RAP1GAP2: variants seen among roughly 807,000 people sequenced by gnomAD.
RAP1GAP2 encodes the protein RAP1 GTPase activating protein 2.
A neutral mutation model predicts 95.0 loss-of-function variants in RAP1GAP2; 27 were observed. That is an observed-to-expected ratio of 0.28 (90% CI 0.21 to 0.39). RAP1GAP2 has a LOEUF of 0.39. Ranked by LOEUF, RAP1GAP2 falls within the 10% of genes least tolerant of loss-of-function variation. The pLI is 1.00. For synonymous variants in RAP1GAP2, 373 were observed against 380.9 expected (o/e 0.98, Z 0.24); for missense variants, 771 against 970.0 (o/e 0.79, Z 2.72).
rs750589328 is a variant in RAP1GAP2 at position 2,827,972 on chromosome 17, C to A, written c.80+27422C>A. Among the ~76,000 whole-genome samples the A allele has an allele frequency of 2.0e-5, 3 of 152,314 alleles. No homozygotes were observed. The East Asian group carries it at 5.8e-4, about 29-fold the overall frequency. ...CCAGCCCTTCCCTGTGGGGGAGCCACAAGAGGCCGTCCCTGGGCCTGCAAG... is the reference window on the plus strand; with the variant it reads ...CCAGCCCTTCCCTGTGGGGGAGCCAAAAGAGGCCGTCCCTGGGCCTGCAAG... On this transcript the variant is annotated intron_variant, in intron 2 of 24. Transcript: ENST00000254695. The surrounding 1 kb of genome is among the most constrained non-coding windows in gnomAD (Gnocchi z 4.1).
At chr17:2,984,125 C>T (rs2045469517) in intron 10 of RAP1GAP2, among the ~76,000 whole-genome samples, 1 of 152,034 alleles carries the variant, frequency 6.6e-6, no homozygotes, top group African/African-American at 2.4e-5. Flanking sequence ...CTGAGGCAGG[C>T]GGATCACAAG....
chr17:2,843,207 G>C (rs984340507), intron 2 of RAP1GAP2, among the ~76,000 whole-genome samples: 3 of 152,154 alleles, frequency 2.0e-5, no homozygotes, highest in Admixed American at 1.3e-4. Flanking sequence ...TGTCCTGCAG[G>C]TGAGTGGTCA....
Position 2,965,891 on chromosome 17 carries a change from C to T in RAP1GAP2, c.596+248C>T, listed in dbSNP as rs969682348. ...GGTCTCAAGGTCACCCAGACTGTACCCCTTCCTGCCCCTCTTTCTTACAAG... is the reference window on the plus strand; with the variant it reads ...GGTCTCAAGGTCACCCAGACTGTACTCCTTCCTGCCCCTCTTTCTTACAAG... On this transcript the variant is annotated intron_variant, in intron 8 of 24. Transcript: ENST00000254695. This position sits in a 1 kb window ranked among gnomAD's most constrained non-coding sequence, Gnocchi z 4.7. 30 of 508,934 alleles carry T rather than the reference C, an allele frequency of 5.9e-5. No individual in the cohort carries two copies. The highest frequency in any genetic ancestry group is 4.4e-4 in the African/African-American group (23 of 52,284). The allele number at this position is 508,934 out of a possible 1,614,324, so 31.5% of individuals were successfully genotyped here.
At chr17:2,927,442 C>A (rs556478232) in intron 3 of RAP1GAP2, among the ~76,000 whole-genome samples, 1 of 152,178 alleles carries the variant, frequency 6.6e-6, no homozygotes, top group Non-Finnish European at 1.5e-5. Flanking sequence ...CGTGAGCCAC[C>A]GCGCCCGGCT....
At position 2,998,275 on chromosome 17, in the gene RAP1GAP2, G is replaced by A; in HGVS notation, c.1099G>A (p.Glu367Lys). 1 of 1,613,978 alleles carries A rather than the reference G, an allele frequency of 6.2e-7. No individual in the cohort carries two copies. The highest frequency in any genetic ancestry group is 8.5e-7 in the Non-Finnish European group (1 of 1,179,862). ...NDIVAIIFQEENTPFVPDMIA... is the reference protein window; with the variant it reads ...NDIVAIIFQEKNTPFVPDMIA... ...CATCGTGGCCATCATCTTCCAAGAG[G>A]AAAACACGCCGTTTGTCCCAGACAT... Residue 367 changes from glutamate to lysine, a missense_variant, in exon 14 of 25, where the codon GAA (glutamate) becomes AAA (lysine). By Grantham distance (56) the Glu-to-Lys change is moderately conservative. Coordinates refer to ENST00000254695, the MANE Select transcript of RAP1GAP2 (RefSeq NM_015085.5).
At chr17:2,758,523 C>A (rs1367588736) in intron 1 of RAP1GAP2, among the ~76,000 whole-genome samples, 1 of 152,198 alleles carries the variant, frequency 6.6e-6, no homozygotes, top group East Asian at 1.9e-4. Context: ...CCCCTCACCC[C>A]AGATAAAAGC....
intron 17 of RAP1GAP2, among the ~76,000 whole-genome samples, chr17:3,010,045 A>C (rs1487038991): frequency 6.6e-6 from 1 of 152,122 alleles, no homozygotes; most frequent in Non-Finnish European, 1.5e-5. Flanking sequence ...ATTTATGCAG[A>C]ACTATAAGAG....
At chr17:2,785,919 TAGAC>T (rs1469138581) in intron 1 of RAP1GAP2, among the ~76,000 whole-genome samples, 3 of 150,796 alleles carry the variant, frequency 2.0e-5, no homozygotes, top group African/African-American at 7.3e-5. Context: ...TTTTTTTTTT[TAGAC>T]AGAGATTTGC....
At chr17:2,931,313 T>TGTGTGTGC (rs1555571269) in intron 3 of RAP1GAP2, among the ~76,000 whole-genome samples, 1 of 137,438 alleles carries the variant, frequency 7.3e-6, no homozygotes, top group African/African-American at 2.6e-5. Flanking sequence ...TGTGTGTGTG[T>TGTGTGTGC]TGGGTGAACG....
At chr17:2,962,981 C>T (rs1221142163) in intron 5 of RAP1GAP2, 2 of 542,948 alleles carry the variant, frequency 3.7e-6, no homozygotes, top group Non-Finnish European at 6.4e-6. Context: ...TTTGGCCCGG[C>T]TCTTCCCTAC....
chr17:2,790,528 C>T (rs1169384793), intron 1 of RAP1GAP2, among the ~76,000 whole-genome samples: 2 of 152,290 alleles, frequency 1.3e-5, no homozygotes, highest in East Asian at 1.9e-4. Flanking sequence ...GTCACCTGCC[C>T]CCAGTGACTT....
In RAP1GAP2 at chr17:2,953,874, A is replaced by G. The variant is rs547833730; in HGVS notation, c.166-3885A>G. On this transcript the variant is annotated intron_variant, in intron 3 of 24. Transcript: ENST00000254695. ...AAAAATAAAAAATAAAATAAAGTGT[A>G]CAATTCAGTGGTTTTTGGTGGTATT... 5.3e-5 allele frequency among the ~76,000 whole-genome samples: 8 copies of G among 152,326 alleles called. No homozygotes were observed. The East Asian group carries it at 1.5e-3, about 29-fold the overall frequency.
At chr17:3,007,460 A>C (rs1337634507) in intron 16 of RAP1GAP2, among the ~76,000 whole-genome samples, 2 of 152,182 alleles carry the variant, frequency 1.3e-5, no homozygotes, top group Non-Finnish European at 2.9e-5. Flanking sequence ...AAGGTTGGGA[A>C]GACTTGGTGG....
At chr17:2,770,089 AAAAAAG>A (rs1352683789) in intron 1 of RAP1GAP2, among the ~76,000 whole-genome samples, 3 of 150,596 alleles carry the variant, frequency 2.0e-5, no homozygotes, top group African/African-American at 7.4e-5. Flanking sequence ...AAAAAAAAAA[AAAAAAG>A]AAGAAGAAAG....
Position 2,961,890 on chromosome 17 carries a change from A to ATTTT in RAP1GAP2, c.202-759_202-756dup, listed in dbSNP as rs34857082. On this transcript the variant is annotated intron_variant, in intron 4 of 24. Transcript: ENST00000254695. Reference sequence around the variant, plus strand: ...CCTTACTGGCTCTGTGACCCTAAGGATTTTTTTTTTTTTTTTTTTTTTTTA... The same window carrying ATTTT: ...CCTTACTGGCTCTGTGACCCTAAGGATTTTTTTTTTTTTTTTTTTTTTTTTTTTA... Among the ~76,000 whole-genome samples, 39 of 111,974 alleles carry ATTTT rather than the reference A, an allele frequency of 3.5e-4. No homozygotes were observed. In the South Asian group the frequency reaches 0.01, roughly 30 times the overall value. 73.5% of individuals were successfully genotyped at this position (111,974 alleles called of 152,430 possible).
At position 2,835,863 on chromosome 17, in the gene RAP1GAP2, G is replaced by T. The variant is rs114990284; in HGVS notation, c.80+35313G>T. The stretch of plus-strand genomic sequence containing the variant: ...GTCCTTGATTTTACGGAAGAAAGAT[G>T]AAATGAGTAGCTTGTGTGCTGACAG... On this transcript the variant is annotated intron_variant, in intron 2 of 24. Transcript: ENST00000254695. Among the ~76,000 whole-genome samples, 931 of 152,318 alleles carry T rather than the reference G, an allele frequency of 6.1e-3. 10 individuals are homozygous for T. The highest frequency in any genetic ancestry group is 0.021 in the African/African-American group (874 of 41,574).
At chr17:2,865,583 T>G (rs1414732150) in intron 2 of RAP1GAP2, among the ~76,000 whole-genome samples, 1 of 152,176 alleles carries the variant, frequency 6.6e-6, no homozygotes, top group African/African-American at 2.4e-5. Flanking sequence ...ATCTTTGAGA[T>G]GCACAGACAG....
chr17:2,911,916 C>T (rs115333997), intron 3 of RAP1GAP2, among the ~76,000 whole-genome samples: 1 of 152,290 alleles, frequency 6.6e-6, no homozygotes, highest in African/African-American at 2.4e-5. Flanking sequence ...CCGCACCGGG[C>T]CCTGAGCTGG....
chr17:2,803,355 A>C (rs1403111131), intron 2 of RAP1GAP2, among the ~76,000 whole-genome samples: 1 of 152,188 alleles, frequency 6.6e-6, no homozygotes, highest in African/African-American at 2.4e-5. Flanking sequence ...CTGGTTACGC[A>C]AAAGATGGAA....
Sources: gnomAD v4.1 joint callset for allele counts (sites outside exome capture counted in the v4.1 genomes callset) on GRCh38, gnomAD v4.1.1 for gene constraint, Gnocchi (gnomAD v3.1) non-coding constraint, MANE v1.5 for transcripts, NCBI Gene and HGNC (gene_info 2026-07-23, HGNC 2026-07-21) for gene names.